RGS7: variants seen among roughly 807,000 people sequenced by gnomAD.
RGS7 encodes the protein regulator of G-protein signaling 7.
In RGS7, 27 loss-of-function variants were observed where a neutral mutation model predicts 81.1. The ratio of observed to expected loss-of-function variants is 0.33; its 90% CI spans 0.25 to 0.46. The LOEUF (loss-of-function observed/expected upper bound fraction) is 0.46. Ranked by LOEUF, RGS7 falls within the 20% of genes least tolerant of loss-of-function variation. The probability of loss-of-function intolerance (pLI) is 1.00; values close to 1 mark genes in which losing one functional copy is unlikely to be tolerated. For synonymous variants in RGS7, 208 were observed against 207.7 expected (o/e 1.00, Z -0.01); for missense variants, 396 against 607.4 (o/e 0.65, Z 3.66).
At chr1:241,180,812 A>G (rs1300523519) in intron 2 of RGS7, among the ~76,000 whole-genome samples, 1 of 152,234 alleles carries the variant, frequency 6.6e-6, no homozygotes, top group Non-Finnish European at 1.5e-5. Context: ...AGAGCTCTCC[A>G]GACATACCTG....
At chr1:241,268,545 T>C (rs1422960952) in intron 2 of RGS7, among the ~76,000 whole-genome samples, 2 of 152,198 alleles carry the variant, frequency 1.3e-5, no homozygotes, top group Non-Finnish European at 2.9e-5. Context: ...CAACTGTTTC[T>C]CCAGTTACAA....
intron 3 of RGS7, among the ~76,000 whole-genome samples, chr1:241,088,540 C>T (rs1036239840): frequency 5.3e-5 from 8 of 152,000 alleles, no homozygotes; most frequent in African/African-American, 1.9e-4. Flanking sequence ...ACCATGAACA[C>T]CCCAACAATT....
intron 9 of RGS7, among the ~76,000 whole-genome samples, chr1:240,852,664 C>G (rs1002591091): frequency 3.9e-5 from 6 of 152,196 alleles, no homozygotes; most frequent in African/African-American, 1.4e-4. Context: ...GGTATTGATT[C>G]TCCAATGTTG....
intron 9 of RGS7, among the ~76,000 whole-genome samples, chr1:240,834,951 CACACAA>C (rs1205272877): frequency 6.7e-6 from 1 of 149,068 alleles, no homozygotes; most frequent in East Asian, 2.0e-4. Flanking sequence ...CACACACACA[CACACAA>C]ACTCAAAATG....
intron 3 of RGS7, among the ~76,000 whole-genome samples, chr1:241,095,786 C>T (rs757631320): frequency 3.3e-5 from 5 of 152,180 alleles, no homozygotes; most frequent in Admixed American, 2.0e-4. Flanking sequence ...CAGGACGGCT[C>T]AATGTCCTCC....
chr1:240,865,329 C>T (rs1663040424), intron 9 of RGS7, among the ~76,000 whole-genome samples: 2 of 152,134 alleles, frequency 1.3e-5, no homozygotes, highest in African/African-American at 4.8e-5. Flanking sequence ...AGGACAGTCT[C>T]TTAGATATGG....
At chr1:241,087,840 T>C (rs1301002666) in intron 3 of RGS7, among the ~76,000 whole-genome samples, 3 of 151,556 alleles carry the variant, frequency 2.0e-5, no homozygotes, top group Non-Finnish European at 4.4e-5. Context: ...TCCCAGCTAC[T>C]CGGGAGGCTG....
rs374223475 is a variant in RGS7, at chr1:241,030,373, T to TATATATATATATATATACACACAC, written c.176-47245_176-47244insGTGTGTGTATATATATATATATAT. On this transcript the variant is annotated intron_variant, in intron 3 of 18. Coordinates refer to ENST00000440928, the MANE Select transcript of RGS7 (RefSeq NM_001364886.1). The stretch of plus-strand genomic sequence containing the variant: ...CCAGAACTTATAGCATATATATATA[T>TATATATATATATATATACACACAC]ACATACACACATACATACACACACA... Among the ~76,000 whole-genome samples, 84 of 135,226 alleles carry TATATATATATATATATACACACAC rather than the reference T, an allele frequency of 6.2e-4. 2 individuals are homozygous for TATATATATATATATATACACACAC. Among genetic ancestry groups the TATATATATATATATATACACACAC allele is most frequent in the South Asian group, 4.2e-3 (18 of 4,252 alleles). 88.7% of individuals were successfully genotyped at this position (135,226 alleles called of 152,430 possible). A position where few individuals can be genotyped will look rare whatever the true frequency, so the allele number is the denominator to read the frequency against.
intron 2 of RGS7, among the ~76,000 whole-genome samples, chr1:241,289,482 G>T (rs943331864): frequency 6.6e-6 from 1 of 152,164 alleles, no homozygotes; most frequent in East Asian, 1.9e-4. Flanking sequence ...AACAGCTGAT[G>T]TATCTACTTG....
intron 4 of RGS7, among the ~76,000 whole-genome samples, chr1:240,961,178 G>A (rs1022993994): frequency 1.3e-5 from 2 of 152,054 alleles, no homozygotes; most frequent in African/African-American, 4.8e-5. Flanking sequence ...AAAGAGCAAA[G>A]TTGCTGGAAG....
chr1:240,911,035 T>G (rs1671669588), intron 6 of RGS7, among the ~76,000 whole-genome samples: 2 of 152,206 alleles, frequency 1.3e-5, no homozygotes, highest in Non-Finnish European at 2.9e-5. Flanking sequence ...AAGAATTCTC[T>G]AGTTCATTCC....
At chr1:241,175,124 G>A (rs985660398) in intron 2 of RGS7, among the ~76,000 whole-genome samples, 10 of 151,806 alleles carry the variant, frequency 6.6e-5, no homozygotes, top group Admixed American at 1.3e-4. Flanking sequence ...GGCTGGTCTC[G>A]AATGCCTGAC....
chr1:240,988,276 T>A (rs749600655), intron 3 of RGS7, among the ~76,000 whole-genome samples: 14 of 151,086 alleles, frequency 9.3e-5, no homozygotes, highest in Non-Finnish European at 1.6e-4. Context: ...ATTATCATAA[T>A]TTAAAAAGTT....
chr1:241,158,793 A>G (rs180761855), intron 2 of RGS7, among the ~76,000 whole-genome samples: 2 of 152,346 alleles, frequency 1.3e-5, no homozygotes, highest in East Asian at 3.9e-4. Context: ...AGATGCCTAA[A>G]ATTTTATGGT....
intron 10 of RGS7, among the ~76,000 whole-genome samples, chr1:240,825,758 A>G (rs1259764875): frequency 6.6e-6 from 1 of 152,210 alleles, no homozygotes; most frequent in African/African-American, 2.4e-5. Flanking sequence ...CAAGTGTTCA[A>G]AAAGAAGGGT....
chr1:241,278,739 C>A (rs2078332970), intron 2 of RGS7, among the ~76,000 whole-genome samples: 1 of 152,202 alleles, frequency 6.6e-6, no homozygotes, highest in African/African-American at 2.4e-5. Flanking sequence ...GATCTACGTT[C>A]TGTTGGCTTT....
At chr1:241,167,178 T>C (rs953695416) in intron 2 of RGS7, among the ~76,000 whole-genome samples, 3 of 152,192 alleles carry the variant, frequency 2.0e-5, no homozygotes, top group Non-Finnish European at 4.4e-5. Flanking sequence ...TCAGTTCAGA[T>C]GCAGTAACTG....
intron 3 of RGS7, among the ~76,000 whole-genome samples, chr1:240,998,977 AG>A (rs1280358674): frequency 1.3e-5 from 2 of 152,118 alleles, no homozygotes; most frequent in African/African-American, 4.8e-5. Flanking sequence ...TCCATCCCAG[AG>A]GCCGTGCTCC....
intron 5 of RGS7, among the ~76,000 whole-genome samples, chr1:240,931,355 T>C (rs919082789): frequency 6.6e-6 from 1 of 152,286 alleles, no homozygotes; most frequent in African/African-American, 2.4e-5. Context: ...GTAACTAATT[T>C]CTACCATTTA....
Sources: gnomAD v4.1 joint callset for allele counts (sites outside exome capture counted in the v4.1 genomes callset) on GRCh38, gnomAD v4.1.1 for gene constraint, MANE v1.5 for transcripts, NCBI Gene and HGNC (gene_info 2026-07-23, HGNC 2026-07-21) for gene names.